IL1RAPL1: variants seen among roughly 807,000 people sequenced by gnomAD.
The protein encoded by IL1RAPL1 is interleukin 1 receptor accessory protein like 1.
Under a neutral mutation model 48.4 loss-of-function variants are expected in IL1RAPL1, and 3 were observed. That is an observed-to-expected ratio of 0.06 (90% confidence interval 0.03 to 0.16). The LOEUF (loss-of-function observed/expected upper bound fraction) is 0.16. IL1RAPL1 is among the 10% of genes least tolerant of loss of function. The pLI, the probability that IL1RAPL1 is intolerant of heterozygous loss-of-function variation, is 1.00. For synonymous variants in IL1RAPL1, 185 were observed against 187.7 expected (o/e 0.99, Z 0.12); for missense variants, 349 against 530.6 (o/e 0.66, Z 3.36).
At chrX:29,180,926 T>C (rs1930131937) in intron 2 of IL1RAPL1, among the ~76,000 whole-genome samples, 1 of 112,205 alleles carries the variant, frequency 8.9e-6, no homozygotes, top group South Asian at 3.7e-4. Context: ...TCAAATTGTT[T>C]CTGTGAAACA....
chrX:28,728,859 G>A (rs1286213217), intron 1 of IL1RAPL1, among the ~76,000 whole-genome samples: 1 of 111,333 alleles, frequency 9.0e-6, no homozygotes, highest in Non-Finnish European at 1.9e-5. Context: ...TCCTTCCACA[G>A]TGTTTTATAT....
chrX:29,767,663 A>G (rs945971197), intron 6 of IL1RAPL1, among the ~76,000 whole-genome samples: 1 of 112,103 alleles, frequency 8.9e-6, no homozygotes, highest in African/African-American at 3.2e-5. Context: ...ATGGAAAAGA[A>G]TTATGTTGAT....
chrX:29,786,025 C>CG (rs1256391876), intron 6 of IL1RAPL1, among the ~76,000 whole-genome samples: 484 of 10,113 alleles, frequency 0.048, 3 homozygotes, highest in African/African-American at 0.14. Context: ...AAAAGGCGGG[C>CG]GGGGGGGTGG....
chrX:28,935,329 G>T lies in IL1RAPL1; in HGVS notation c.82+145904G>T, dbSNP rs371178464. On this transcript the variant is annotated intron_variant, in intron 2 of 10. Coordinates refer to ENST00000378993, the MANE Select transcript of IL1RAPL1 (RefSeq NM_014271.4). ...AGGCAGAGTTCCAGCCTCCTTCCTT[G>T]GTTATATATATATATGGATATCCAG... Among the ~76,000 whole-genome samples, 355 of 110,389 alleles carry T rather than the reference G, an allele frequency of 3.2e-3. 3 individuals are homozygous for T. Among genetic ancestry groups the T allele is most frequent in the African/African-American group, 0.011 (330 of 30,394 alleles).
intron 2 of IL1RAPL1, among the ~76,000 whole-genome samples, chrX:28,891,649 C>A (rs1922772711): frequency 8.9e-6 from 1 of 112,361 alleles, no homozygotes; most frequent in South Asian, 3.7e-4. Context: ...TGTATGGATG[C>A]AGCACATTTT....
intron 2 of IL1RAPL1, among the ~76,000 whole-genome samples, chrX:29,224,119 T>C (rs887994638): frequency 8.1e-5 from 9 of 111,496 alleles, no homozygotes; most frequent in Non-Finnish European, 1.5e-4. Flanking sequence ...ACTGATTCAG[T>C]AGGGACTAAA....
chrX:29,046,518 C>G (rs1417814081), intron 2 of IL1RAPL1, among the ~76,000 whole-genome samples: 3 of 112,025 alleles, frequency 2.7e-5, no homozygotes, highest in Non-Finnish European at 3.8e-5. Flanking sequence ...ATGAATCACT[C>G]TATTTTCTAG....
At chrX:29,625,610 T>C (rs1428509073) in intron 5 of IL1RAPL1, among the ~76,000 whole-genome samples, 1 of 111,852 alleles carries the variant, frequency 8.9e-6, no homozygotes, top group African/African-American at 3.2e-5. Context: ...ACTGGTGCCC[T>C]TGTTTGTTGT....
At chrX:29,246,536 G>C (rs936151672) in intron 2 of IL1RAPL1, among the ~76,000 whole-genome samples, 1 of 110,669 alleles carries the variant, frequency 9.0e-6, no homozygotes, top group African/African-American at 3.3e-5. Context: ...CTCTTCTTTC[G>C]GTTTCCCTCC....
At chrX:28,737,697 A>T (rs961607569) in intron 1 of IL1RAPL1, among the ~76,000 whole-genome samples, 6 of 112,682 alleles carry the variant, frequency 5.3e-5, no homozygotes, top group African/African-American at 1.9e-4. Flanking sequence ...TTTAATATAG[A>T]GATTTTACAT....
intron 2 of IL1RAPL1, among the ~76,000 whole-genome samples, chrX:28,875,841 G>A (rs763978934): frequency 3.1e-4 from 35 of 111,866 alleles, no homozygotes; most frequent in Non-Finnish European, 5.8e-4. Flanking sequence ...TAACAGAATC[G>A]TTTGGCAAGA....
At chrX:29,887,968 C>T (rs1480342163) in intron 6 of IL1RAPL1, among the ~76,000 whole-genome samples, 2 of 111,217 alleles carry the variant, frequency 1.8e-5, no homozygotes, top group African/African-American at 3.3e-5. Context: ...ACTAATAGTA[C>T]CAAACAATTT....
chrX:28,852,977 T>C (rs1921703077), intron 2 of IL1RAPL1, among the ~76,000 whole-genome samples: 1 of 110,980 alleles, frequency 9.0e-6, no homozygotes, highest in African/African-American at 3.3e-5. Context: ...CTCAATATCC[T>C]GATATAGATA....
At chrX:29,123,218 C>T (rs1309428703) in intron 2 of IL1RAPL1, among the ~76,000 whole-genome samples, 3 of 109,218 alleles carry the variant, frequency 2.7e-5, no homozygotes, top group East Asian at 5.8e-4. Flanking sequence ...TTAGTAGAGT[C>T]GGGGTTTCAC....
At chrX:29,070,607 A>C (rs966359186) in intron 2 of IL1RAPL1, among the ~76,000 whole-genome samples, 1 of 111,588 alleles carries the variant, frequency 9.0e-6, no homozygotes, top group African/African-American at 3.3e-5. Flanking sequence ...CCCAAACCTG[A>C]TACATCATGC....
At chrX:28,658,671 T>C (rs893345463) in intron 1 of IL1RAPL1, among the ~76,000 whole-genome samples, 1 of 111,435 alleles carries the variant, frequency 9.0e-6, no homozygotes, top group African/African-American at 3.3e-5. Flanking sequence ...TGGAATCTAC[T>C]GTATGATAAA....
At chrX:29,277,213 T>C (rs1932133761) in intron 2 of IL1RAPL1, among the ~76,000 whole-genome samples, 1 of 112,069 alleles carries the variant, frequency 8.9e-6, no homozygotes, top group Admixed American at 9.5e-5. Flanking sequence ...TCTGTTTGTG[T>C]TTGCTGAAAT....
intron 3 of IL1RAPL1, among the ~76,000 whole-genome samples, chrX:29,337,612 A>AT (rs997969975): frequency 9.0e-6 from 1 of 111,433 alleles, no homozygotes; most frequent in East Asian, 2.8e-4. Context: ...GAATTACAAG[A>AT]TTTTTTTTCT....
chrX:28,820,164 T>G (rs1026442885), intron 2 of IL1RAPL1, among the ~76,000 whole-genome samples: 6 of 107,170 alleles, frequency 5.6e-5, no homozygotes, highest in Non-Finnish European at 3.9e-5. Flanking sequence ...ATCTACAAAA[T>G]GTATGAAGAT....
Sources: gnomAD v4.1 joint callset for allele counts (sites outside exome capture counted in the v4.1 genomes callset) on GRCh38, gnomAD v4.1.1 for gene constraint, MANE v1.5 for transcripts, NCBI Gene and HGNC (gene_info 2026-07-23, HGNC 2026-07-21) for gene names.